PARVB: variants seen among roughly 807,000 people sequenced by gnomAD.
PARVB encodes the protein beta-parvin.
A neutral mutation model predicts 47.0 loss-of-function variants in PARVB; 46 were observed. The observed-to-expected ratio is 0.98, with a 90% confidence interval of 0.77 to 1.25. PARVB has a LOEUF of 1.25. PARVB is among the 50% of genes most tolerant of loss of function. PARVB has a pLI of 0.00. For synonymous variants in PARVB, 196 were observed against 196.3 expected (o/e 1.00, Z 0.01); for missense variants, 473 against 471.6 (o/e 1.00, Z -0.03).
chr22:44,100,086 C>T lies in PARVB; in HGVS notation c.236C>T (p.Thr79Ile), dbSNP rs774631010. 3.1e-6 allele frequency: 5 copies of T among 1,613,998 alleles called. No individual in the cohort carries two copies. In the African/African-American group the frequency reaches 6.7e-5, roughly 22 times the overall value. The change falls in exon 3 of 13, where the codon ACT becomes ATT. Residue 79 changes from threonine to isoleucine, a missense_variant. By Grantham distance (89) the Thr-to-Ile change is moderately conservative (BLOSUM62 -1). Coordinates refer to ENST00000338758, the MANE Select transcript of PARVB (RefSeq NM_013327.5). Reference sequence around the variant, plus strand: ...GAGGAGCGCACGATGATTGACCCCACTTCCAAGGAAGACCCCAAGTTCAAG... The same window carrying T: ...GAGGAGCGCACGATGATTGACCCCATTTCCAAGGAAGACCCCAAGTTCAAG... ...ENEERTMIDPTSKEDPKFKEL... is the reference protein window; with the variant it reads ...ENEERTMIDPISKEDPKFKEL...
chr22:44,014,091 T>A (rs780685202), intron 2 of PARVB, among the ~76,000 whole-genome samples: 1 of 152,242 alleles, frequency 6.6e-6, no homozygotes, highest in Non-Finnish European at 1.5e-5. Flanking sequence ...CACATGTAAG[T>A]GGACCTGCAC....
intron 12 of PARVB, among the ~76,000 whole-genome samples, chr22:44,165,362 T>A (rs1296612818): frequency 6.6e-6 from 1 of 152,180 alleles, no homozygotes; most frequent in African/African-American, 2.4e-5. Flanking sequence ...GTGCTGAGAA[T>A]GGTGCCTGGC....
intron 1 of PARVB, among the ~76,000 whole-genome samples, chr22:44,033,883 C>T (rs1042143751): frequency 1.3e-5 from 2 of 152,110 alleles, no homozygotes; most frequent in African/African-American, 4.8e-5. Flanking sequence ...CAGCGGAGCC[C>T]TGTCTGCCCT....
At chr22:44,087,245 G>A (rs922338676) in intron 1 of PARVB, among the ~76,000 whole-genome samples, 7 of 152,192 alleles carry the variant, frequency 4.6e-5, no homozygotes, top group East Asian at 1.9e-4. Flanking sequence ...CTGATCTTTT[G>A]TTCTCTATGA....
intron 2 of PARVB, among the ~76,000 whole-genome samples, chr22:44,005,944 T>G (rs960416042): frequency 9.2e-5 from 14 of 152,188 alleles, no homozygotes; most frequent in Non-Finnish European, 1.8e-4. Context: ...TTTGTGCGTT[T>G]TGCCCAATTC....
At chr22:44,012,934 T>C (rs111678944) in intron 2 of PARVB, among the ~76,000 whole-genome samples, 6,074 of 152,036 alleles carry the variant, frequency 0.04, 179 homozygotes, top group Middle Eastern at 0.058. Flanking sequence ...TCTCGCTCTG[T>C]CACCCAGGCT....
chr22:44,161,261 T>A (rs2147177327), intron 11 of PARVB, among the ~76,000 whole-genome samples: 1 of 151,254 alleles, frequency 6.6e-6, no homozygotes. Flanking sequence ...ATTCTACGTT[T>A]CAGTCCTGGT....
chr22:44,147,337 C>G, intron 8 of PARVB: 1 of 249,646 alleles, frequency 4.0e-6, no homozygotes, highest in East Asian at 8.8e-5. Flanking sequence ...CCTGTTTGCA[C>G]TTGGAAGGGC....
chr22:44,010,628 C>G (rs879413122), intron 2 of PARVB: 2 of 152,134 alleles, frequency 1.3e-5, no homozygotes, highest in Non-Finnish European at 2.9e-5. Context: ...TTTCAAACAT[C>G]GGTTTTTGGT....
chr22:44,154,750 G>A (rs1188219474), intron 10 of PARVB, among the ~76,000 whole-genome samples: 1 of 147,932 alleles, frequency 6.8e-6, no homozygotes, highest in Non-Finnish European at 1.5e-5. Flanking sequence ...TGTGGTTTAT[G>A]CAGTCTGTGT....
At chr22:44,022,906 C>G (rs1266715658), upstream of PARVB, among the ~76,000 whole-genome samples, 1 of 151,822 alleles carries the variant, frequency 6.6e-6, no homozygotes, top group Non-Finnish European at 1.5e-5. Flanking sequence ...ACCACCATGC[C>G]CCGATAATTT....
In PARVB at chr22:44,151,383, G is replaced by A. The variant is rs555039965; in HGVS notation, c.775-100G>A. ...TTAGCAAACAGGAGATGATGAAAGC[G>A]TTTCACAGAGCTGGGGCTGGCAAAT... On this transcript the variant is annotated intron_variant, in intron 9 of 12. Coordinates refer to ENST00000338758, the MANE Select transcript of PARVB (RefSeq NM_013327.5). The A allele has an allele frequency of 8.0e-5, 67 of 842,062 alleles. No individual in the cohort carries two copies. The African/African-American group carries it at 9.9e-4, about 12-fold the overall frequency. 52.2% of individuals were successfully genotyped at this position (842,062 alleles called of 1,614,324 possible). A position where few individuals can be genotyped will look rare whatever the true frequency, so the allele number is the denominator to read the frequency against.
In PARVB at chr22:44,101,407, C is replaced by CA. The variant is rs34166269; in HGVS notation, c.273+1293dup. Among the ~76,000 whole-genome samples, 67 of 128,742 alleles carry CA rather than the reference C, an allele frequency of 5.2e-4. 1 individual carries two copies. The highest frequency in any genetic ancestry group is 4.1e-3 in the Middle Eastern group (1 of 242). The allele number at this position is 128,742 out of a possible 152,430, so 84.5% of individuals were successfully genotyped here. A position where few individuals can be genotyped will look rare whatever the true frequency, so the allele number is the denominator to read the frequency against. ...CCTGGGCGACAGCGAGGCTCCGTCT[C>CA]AAAAAAAAATAAAAAATAAAAAATA... On this transcript the variant is annotated intron_variant, in intron 3 of 12. Transcript: ENST00000338758.
At chr22:44,078,973 C>T (rs572453945) in intron 1 of PARVB, among the ~76,000 whole-genome samples, 7 of 152,306 alleles carry the variant, frequency 4.6e-5, no homozygotes, top group Admixed American at 2.0e-4. Flanking sequence ...GTGATCCACC[C>T]GCCTCGGCCT....
At chr22:44,158,371 C>A (rs1329165534) in intron 11 of PARVB, among the ~76,000 whole-genome samples, 1 of 152,162 alleles carries the variant, frequency 6.6e-6, no homozygotes, top group Non-Finnish European at 1.5e-5. Flanking sequence ...GTTGTAAACC[C>A]TTCCCCCATT....
chr22:44,055,843 G>A (rs2051300751), intron 1 of PARVB, among the ~76,000 whole-genome samples: 1 of 152,166 alleles, frequency 6.6e-6, no homozygotes, highest in South Asian at 2.1e-4. Flanking sequence ...CCCTTACCCT[G>A]CCTTTCGGTC....
chr22:44,072,534 G>C (rs1010486750), intron 1 of PARVB, among the ~76,000 whole-genome samples: 1 of 152,130 alleles, frequency 6.6e-6, no homozygotes. Context: ...TCCATCTCCC[G>C]GGTTCAAGCG....
At chr22:44,076,979 G>A (rs892766928) in intron 1 of PARVB, among the ~76,000 whole-genome samples, 4 of 152,078 alleles carry the variant, frequency 2.6e-5, no homozygotes, top group African/African-American at 9.7e-5. Flanking sequence ...CATGATGTGT[G>A]GCCTGGGTCC....
At chr22:44,152,749 A>AT (rs1285513443) in intron 10 of PARVB, 1 of 152,038 alleles carries the variant, frequency 6.6e-6, no homozygotes, top group Non-Finnish European at 1.5e-5. Context: ...ACAAAATATG[A>AT]TTTTCCCAGG....
Sources: allele counts gnomAD v4.1 joint callset (sites outside exome capture counted in the v4.1 genomes callset), GRCh38; gene constraint gnomAD v4.1.1; transcripts MANE v1.5; gene names NCBI Gene and HGNC (gene_info 2026-07-23, HGNC 2026-07-21).